Variants in CNTN4 observed in about 807,000 individuals in gnomAD.
The protein encoded by CNTN4 is contactin-4.
A neutral mutation model predicts 122.5 loss-of-function variants in CNTN4; 77 were observed. The ratio of observed to expected loss-of-function variants is 0.63; its 90% CI spans 0.52 to 0.76. The LOEUF is 0.76. Among genes scored for constraint, CNTN4 ranks in the 30% least tolerant of loss-of-function variants. The pLI is 0.00. For missense variants in CNTN4, 1,256 were observed against 1,259.1 expected, an observed-to-expected ratio of 1.00 and a Z score of 0.04; for synonymous variants, 512 against 447.0, an observed-to-expected ratio of 1.15 and a Z score of -1.83.
chr3:2,567,566 T>G (rs1465683998), intron 3 of CNTN4, among the ~76,000 whole-genome samples: 9 of 152,220 alleles, frequency 5.9e-5, no homozygotes, highest in Non-Finnish European at 1.3e-4. Flanking sequence ...GTGCTTTCCA[T>G]GCATTCTCAC....
intron 3 of CNTN4, among the ~76,000 whole-genome samples, chr3:2,410,182 G>C (rs993193702): frequency 6.6e-6 from 1 of 151,976 alleles, no homozygotes; most frequent in African/African-American, 2.4e-5. Flanking sequence ...TGTTATCTTG[G>C]CCAATGTAAG....
At chr3:2,277,337 A>G (rs1264450108) in intron 2 of CNTN4, among the ~76,000 whole-genome samples, 2 of 152,152 alleles carry the variant, frequency 1.3e-5, no homozygotes, top group Non-Finnish European at 1.5e-5. Flanking sequence ...GGTTTTTTAA[A>G]TACTAAGAAA....
chr3:2,356,199 C>A (rs926067701), intron 3 of CNTN4, among the ~76,000 whole-genome samples: 2 of 151,874 alleles, frequency 1.3e-5, no homozygotes, highest in Admixed American at 6.6e-5. Context: ...AGAATGAATT[C>A]GAGAAGAGTC....
At chr3:2,781,999 A>AG (rs1192112804) in intron 6 of CNTN4, among the ~76,000 whole-genome samples, 16 of 151,932 alleles carry the variant, frequency 1.1e-4, no homozygotes, top group African/African-American at 3.9e-4. Context: ...CTGAGATTAC[A>AG]GGCATGAGCC....
At chr3:2,900,639 G>C (rs760277203) in intron 10 of CNTN4, 46 bp from the exon 11 acceptor site, 65 of 1,598,644 alleles carry the variant, frequency 4.1e-5, no homozygotes, top group Non-Finnish European at 5.4e-5. Context: ...AATAGATTGA[G>C]TACACACTGA....
chr3:2,924,919 C>T (rs755269402), intron 12 of CNTN4, among the ~76,000 whole-genome samples: 6 of 149,244 alleles, frequency 4.0e-5, no homozygotes, highest in Non-Finnish European at 8.9e-5. Flanking sequence ...TATCAGAGAG[C>T]AAATGCTTTA....
rs1260280422 is a variant in CNTN4, at chr3:3,056,563, T to A, written c.*343T>A. The A allele has an allele frequency of 1.2e-5, 2 of 160,644 alleles. No individual in the cohort carries two copies. Among genetic ancestry groups the A allele is most frequent in the East Asian group, 3.5e-4 (2 of 5,640 alleles). The allele number at this position is 160,644 out of a possible 1,614,324, so 10.0% of individuals were successfully genotyped here. Reference sequence around the variant, plus strand: ...TATAATGTAGATATTAATTTTTTCCTCGGCTGTAAAATGCTATGGGCAACA... The same window carrying A: ...TATAATGTAGATATTAATTTTTTCCACGGCTGTAAAATGCTATGGGCAACA... On this transcript the variant is annotated 3_prime_UTR_variant, in exon 25 of 25. Transcript: ENST00000418658.
chr3:2,222,747 A>T (rs895336200), intron 2 of CNTN4, among the ~76,000 whole-genome samples: 1 of 152,122 alleles, frequency 6.6e-6, no homozygotes, highest in African/African-American at 2.4e-5. Context: ...TAAATAAGCT[A>T]TCGTTGGCCT....
At chr3:2,674,783 A>AC (rs2084746430) in intron 4 of CNTN4, among the ~76,000 whole-genome samples, 1 of 113,230 alleles carries the variant, frequency 8.8e-6, no homozygotes, top group African/African-American at 4.2e-5. Flanking sequence ...AAAAAAACAA[A>AC]AAAAAAAAAA....
intron 4 of CNTN4, among the ~76,000 whole-genome samples, chr3:2,607,904 G>A (rs1482397788): frequency 6.6e-6 from 1 of 152,062 alleles, no homozygotes; most frequent in Non-Finnish European, 1.5e-5. Flanking sequence ...ATAAAAACGT[G>A]TCTTTTATAG....
At chr3:2,545,429 G>A (rs950225919) in intron 3 of CNTN4, among the ~76,000 whole-genome samples, 3 of 151,850 alleles carry the variant, frequency 2.0e-5, no homozygotes, top group Non-Finnish European at 2.9e-5. Flanking sequence ...ATTTTCTACC[G>A]CAATTATCTG....
intron 6 of CNTN4, among the ~76,000 whole-genome samples, chr3:2,781,346 A>T (rs1003438723): frequency 2.0e-5 from 3 of 152,336 alleles, no homozygotes; most frequent in Non-Finnish European, 4.4e-5. Context: ...CAAAGTTTTT[A>T]AAAAATGGGA....
At chr3:2,389,502 T>C (rs2046370320) in intron 3 of CNTN4, among the ~76,000 whole-genome samples, 2 of 152,246 alleles carry the variant, frequency 1.3e-5, no homozygotes, top group South Asian at 4.1e-4. Flanking sequence ...CCTTATTTTA[T>C]TTTTCTAATA....
At chr3:2,599,786 C>G (rs375703982) in intron 4 of CNTN4, among the ~76,000 whole-genome samples, 1 of 152,074 alleles carries the variant, frequency 6.6e-6, no homozygotes, top group South Asian at 2.1e-4. Context: ...TTTGTCAATT[C>G]TCTAGCAGAG....
intron 2 of CNTN4, among the ~76,000 whole-genome samples, chr3:2,132,959 C>G (rs1175211193): frequency 6.6e-6 from 1 of 151,982 alleles, no homozygotes; most frequent in Non-Finnish European, 1.5e-5. Flanking sequence ...GAGTGAATGT[C>G]AAAGAGAAGT....
chr3:2,158,176 A>G (rs1011316454), intron 2 of CNTN4, among the ~76,000 whole-genome samples: 22 of 152,188 alleles, frequency 1.4e-4, no homozygotes, highest in African/African-American at 5.1e-4. Context: ...GTGACACATC[A>G]AAGTTTATGT....
At chr3:2,195,648 A>C (rs747060999) in intron 2 of CNTN4, among the ~76,000 whole-genome samples, 1 of 152,178 alleles carries the variant, frequency 6.6e-6, no homozygotes, top group East Asian at 1.9e-4. Flanking sequence ...ACACCTTTAC[A>C]TGTTTGGCAC....
At chr3:2,354,367 C>T (rs1307608410) in intron 3 of CNTN4, among the ~76,000 whole-genome samples, 1 of 151,946 alleles carries the variant, frequency 6.6e-6, no homozygotes, top group Admixed American at 6.6e-5. Context: ...CCCATCTCTA[C>T]TAAAAGTGGA....
intron 6 of CNTN4, among the ~76,000 whole-genome samples, chr3:2,816,820 CAAAAA>C (rs538762827): frequency 1.4e-5 from 1 of 73,230 alleles, no homozygotes; most frequent in Non-Finnish European, 2.5e-5. Flanking sequence ...ACTCTGTCTC[CAAAAA>C]AAAAAAAAAA....
Sources: allele counts gnomAD v4.1 joint callset (sites outside exome capture counted in the v4.1 genomes callset), GRCh38; gene constraint gnomAD v4.1.1; transcripts MANE v1.5; gene names NCBI Gene and HGNC (gene_info 2026-07-23, HGNC 2026-07-21).